Variants in ZBTB20 observed in about 807,000 individuals in gnomAD.
The protein encoded by ZBTB20 is zinc finger and BTB domain containing 20, also known as zinc finger and BTB domain-containing protein 20.
Under a neutral mutation model 56.9 loss-of-function variants are expected in ZBTB20, and 9 were observed. That is an observed-to-expected ratio of 0.16 (90% CI 0.10 to 0.28). ZBTB20 has a LOEUF of 0.28. Ranked by LOEUF, ZBTB20 falls within the 10% of genes least tolerant of loss-of-function variation. ZBTB20 has a pLI of 1.00. For synonymous variants in ZBTB20, 417 were observed against 420.7 expected (o/e 0.99, Z 0.11); for missense variants, 655 against 1,003.0 (o/e 0.65, Z 4.69).
At chr3:114,442,404 AT>A (rs2090990967) in intron 7 of ZBTB20, among the ~76,000 whole-genome samples, 1 of 152,174 alleles carries the variant, frequency 6.6e-6, no homozygotes. Flanking sequence ...AAATGCTTGC[AT>A]TTTAATATTC....
intron 7 of ZBTB20, among the ~76,000 whole-genome samples, chr3:114,392,170 G>A (rs375808283): frequency 4.0e-4 from 61 of 152,100 alleles, no homozygotes; most frequent in African/African-American, 1.4e-3. Flanking sequence ...GATGGTTAAT[G>A]GGTACAAAAA....
chr3:114,498,233 A>C (rs188549606), intron 7 of ZBTB20, among the ~76,000 whole-genome samples: 14 of 152,288 alleles, frequency 9.2e-5, no homozygotes, highest in Admixed American at 7.8e-4. Context: ...TGTTTCTGCT[A>C]AACAGTAATG....
chr3:114,716,470 A>G (rs1411230745), intron 5 of ZBTB20, among the ~76,000 whole-genome samples: 1 of 152,198 alleles, frequency 6.6e-6, no homozygotes, highest in African/African-American at 2.4e-5. Context: ...GCTGAAAAAA[A>G]TCAATAGTGT....
At chr3:114,483,630 A>G (rs1302880242) in intron 7 of ZBTB20, among the ~76,000 whole-genome samples, 1 of 152,192 alleles carries the variant, frequency 6.6e-6, no homozygotes, top group Non-Finnish European at 1.5e-5. Context: ...TAGAAAATGC[A>G]GAAGACTGAA....
intron 7 of ZBTB20, among the ~76,000 whole-genome samples, chr3:114,440,641 G>A (rs1461305595): frequency 1.3e-5 from 2 of 152,098 alleles, no homozygotes; most frequent in Non-Finnish European, 2.9e-5. Context: ...TTTCTAAAAG[G>A]TTTTAAAAGG....
chr3:114,457,704 A>G (rs1315283785), intron 7 of ZBTB20, among the ~76,000 whole-genome samples: 1 of 152,192 alleles, frequency 6.6e-6, no homozygotes, highest in Non-Finnish European at 1.5e-5. Flanking sequence ...TAGCATCACA[A>G]GAATCCTATG....
At chr3:114,429,902 C>G (rs1030521006) in intron 7 of ZBTB20, among the ~76,000 whole-genome samples, 41 of 151,028 alleles carry the variant, frequency 2.7e-4, no homozygotes, top group African/African-American at 9.7e-4. Context: ...GGGACTTGAG[C>G]ATTTGTTGAT....
intron 6 of ZBTB20, among the ~76,000 whole-genome samples, chr3:114,543,797 G>C (rs2049400262): frequency 6.6e-6 from 1 of 152,172 alleles, no homozygotes; most frequent in Non-Finnish European, 1.5e-5. Flanking sequence ...GCTATTTTCT[G>C]AGTAGTGAAA....
At chr3:114,584,366 T>C (rs895891373) in intron 6 of ZBTB20, among the ~76,000 whole-genome samples, 5 of 152,164 alleles carry the variant, frequency 3.3e-5, no homozygotes, top group Admixed American at 6.5e-5. Flanking sequence ...AAACACAAAA[T>C]CATTATGGAA....
chr3:114,679,474 G>C (rs1033249644), intron 6 of ZBTB20, among the ~76,000 whole-genome samples: 2 of 152,064 alleles, frequency 1.3e-5, no homozygotes, highest in African/African-American at 4.8e-5. Flanking sequence ...AGTGGGCAAA[G>C]ATATGAACAG....
At chr3:114,734,607 C>CAAGTTTCTA (rs1234000805) in intron 5 of ZBTB20, among the ~76,000 whole-genome samples, 3 of 151,914 alleles carry the variant, frequency 2.0e-5, no homozygotes, top group African/African-American at 7.3e-5. Flanking sequence ...GAAACATCAT[C>CAAGTTTCTA]AAGTTTCTAA....
intron 4 of ZBTB20, among the ~76,000 whole-genome samples, chr3:114,808,906 A>T (rs1382320327): frequency 1.4e-5 from 2 of 147,932 alleles, no homozygotes; most frequent in Non-Finnish European, 3.0e-5. Context: ...TTTATTTGGG[A>T]TATCTTTATT....
intron 2 of ZBTB20, among the ~76,000 whole-genome samples, chr3:115,023,645 C>T (rs1015599881): frequency 2.7e-5 from 4 of 150,812 alleles, no homozygotes; most frequent in Non-Finnish European, 5.9e-5. Context: ...ACTCTTTGTA[C>T]TTTTTTCCTT....
intron 6 of ZBTB20, among the ~76,000 whole-genome samples, chr3:114,585,811 C>A (rs1489554926): frequency 6.6e-6 from 1 of 152,188 alleles, no homozygotes; most frequent in Non-Finnish European, 1.5e-5. Context: ...ACTTGCTTGT[C>A]ATCAACTTGT....
chr3:114,316,273 T>A lies in ZBTB20; in HGVS notation c.*22732A>T, dbSNP rs1375673438. 1 of 336,340 alleles carries A rather than the reference T, an allele frequency of 3.0e-6. No homozygotes were observed. Among genetic ancestry groups the A allele is most frequent in the Non-Finnish European group, 5.6e-6 (1 of 180,038 alleles). 20.8% of individuals were successfully genotyped at this position (336,340 alleles called of 1,614,324 possible). On this transcript the variant is annotated 3_prime_UTR_variant, in exon 12 of 12. Transcript: ENST00000675478. ...CTTTTTCACTAACACTGTTCCTTTTTTTCCTTGTTACAATCCATTCTTTAT... is the reference window on the plus strand; with the variant it reads ...CTTTTTCACTAACACTGTTCCTTTTATTCCTTGTTACAATCCATTCTTTAT...
intron 6 of ZBTB20, among the ~76,000 whole-genome samples, chr3:114,602,778 T>G (rs2056862470): frequency 6.6e-6 from 1 of 152,016 alleles, no homozygotes. Context: ...CAAAAACTCA[T>G]ATGCTATATA....
intron 6 of ZBTB20, among the ~76,000 whole-genome samples, chr3:114,614,405 G>A (rs2057774621): frequency 6.6e-6 from 1 of 152,134 alleles, no homozygotes; most frequent in Non-Finnish European, 1.5e-5. Context: ...AGGTAATATG[G>A]AAAGTAAAAA....
At chr3:115,089,250 C>T (rs2083098683) in intron 1 of ZBTB20, among the ~76,000 whole-genome samples, 1 of 151,836 alleles carries the variant, frequency 6.6e-6, no homozygotes, top group African/African-American at 2.4e-5. Flanking sequence ...CTGCCACTTA[C>T]TAGATCTGCA....
intron 7 of ZBTB20, among the ~76,000 whole-genome samples, chr3:114,466,186 T>C (rs1423329004): frequency 1.3e-5 from 2 of 152,182 alleles, no homozygotes; most frequent in Admixed American, 6.5e-5. Context: ...ATATACACTA[T>C]ATATATCCCA....
Sources: gnomAD v4.1 joint callset for allele counts (sites outside exome capture counted in the v4.1 genomes callset) on GRCh38, gnomAD v4.1.1 for gene constraint, MANE v1.5 for transcripts, NCBI Gene and HGNC (gene_info 2026-07-23, HGNC 2026-07-21) for gene names.